Variants in NEXN observed in about 807,000 individuals in gnomAD.
NEXN encodes the protein nexilin.
A neutral mutation model predicts 92.6 loss-of-function variants in NEXN; 65 were observed. The ratio of observed to expected loss-of-function variants is 0.70; its 90% CI spans 0.57 to 0.86. The LOEUF (loss-of-function observed/expected upper bound fraction) is 0.86. NEXN is among the 40% of genes least tolerant of loss of function. NEXN has a pLI of 0.00. For synonymous variants in NEXN, 254 were observed against 242.5 expected (o/e 1.05, Z -0.44); for missense variants, 778 against 771.1 (o/e 1.01, Z -0.11).
chr1:77,937,182 T>C (rs988717554), intron 11 of NEXN, among the ~76,000 whole-genome samples: 2 of 152,098 alleles, frequency 1.3e-5, no homozygotes, highest in African/African-American at 4.8e-5. Context: ...TGCATGTCTG[T>C]AGTCCCAGTT....
chr1:77,936,655 T>C (rs1445563805), intron 11 of NEXN, among the ~76,000 whole-genome samples: 1 of 152,210 alleles, frequency 6.6e-6, no homozygotes, highest in Non-Finnish European at 1.5e-5. Context: ...AAAGAGGCAA[T>C]CACTGACCTG....
chr1:77,909,124 TAAG>T (rs1648365959), intron 1 of NEXN, among the ~76,000 whole-genome samples: 1 of 152,054 alleles, frequency 6.6e-6, no homozygotes, highest in South Asian at 2.1e-4. Flanking sequence ...GTTGGTTATA[TAAG>T]AAGAAATATC....
chr1:77,910,748 C>CAA (rs751080251), intron 1 of NEXN, among the ~76,000 whole-genome samples: 4,442 of 41,788 alleles, frequency 0.11, 289 homozygotes, highest in African/African-American at 0.26. Context: ...GAGACTGTCT[C>CAA]AAAAAAAAAA....
Position 77,899,218 on chromosome 1 carries a change from T to C in NEXN, c.-53+10459T>C, listed in dbSNP as rs564076993. On this transcript the variant is annotated intron_variant, in intron 1 of 12. Transcript: ENST00000334785. ...AAAGACACATGCACACGTATGTTTATTGCGACACTATTCACAATAGCAAAG... is the reference window on the plus strand; with the variant it reads ...AAAGACACATGCACACGTATGTTTACTGCGACACTATTCACAATAGCAAAG... Among the ~76,000 whole-genome samples, 3 of 152,260 alleles carry C rather than the reference T, an allele frequency of 2.0e-5. No individual in the cohort carries two copies. In the South Asian group the frequency reaches 6.2e-4, roughly 32 times the overall value.
chr1:77,899,023 G>A (rs1647466627), intron 1 of NEXN, among the ~76,000 whole-genome samples: 2 of 152,212 alleles, frequency 1.3e-5, no homozygotes, highest in African/African-American at 4.8e-5. Flanking sequence ...TGCTGGAGAG[G>A]AGGTGGAGAA....
chr1:77,907,634 C>T lies in NEXN; in HGVS notation c.-52-8421C>T, dbSNP rs1048710931. Among the ~76,000 whole-genome samples, 18 of 152,132 alleles carry T rather than the reference C, an allele frequency of 1.2e-4. No homozygotes were observed. The South Asian group carries it at 1.5e-3, about 12-fold the overall frequency. On this transcript the variant is annotated intron_variant, in intron 1 of 12. Transcript: ENST00000334785. ...AATACTAAAATGACATTTTAAAAAA[C>T]GATTTTAAGTGGTTTTATTCATAGT...
rs140215288 is a variant in NEXN, at chr1:77,918,295, G to A, written c.447+22G>A. 278 of 1,612,840 alleles carry A rather than the reference G, an allele frequency of 1.7e-4. No individual in the cohort carries two copies. The African/African-American group carries it at 2.9e-3, about 17-fold the overall frequency. ...ACAGGTATCACTGAAGATTAAGTTC[G>A]TATTTGTTTCTGAAACTAACTGTGC... On this transcript the variant is annotated intron_variant, in intron 5 of 12. Coordinates refer to ENST00000334785, the MANE Select transcript of NEXN (RefSeq NM_144573.4).
chr1:77,934,559 C>T (rs767624106), intron 10 of NEXN, among the ~76,000 whole-genome samples: 30 of 152,260 alleles, frequency 2.0e-4, no homozygotes, highest in Non-Finnish European at 4.0e-4. Flanking sequence ...AAGCTTTACG[C>T]TGTCTTTCCT....
At chr1:77,917,533 T>C (rs1649069719) in intron 2 of NEXN, 33 bp from the exon 3 acceptor site, 1 of 1,521,248 alleles carries the variant, frequency 6.6e-7, no homozygotes, top group East Asian at 2.3e-5. Context: ...TCTTTTTCGT[T>C]AACTTTCTTT....
chr1:77,900,983 T>C (rs1490840974), intron 1 of NEXN, among the ~76,000 whole-genome samples: 2 of 152,214 alleles, frequency 1.3e-5, no homozygotes, highest in Non-Finnish European at 2.9e-5. Context: ...ACAAAGTCTC[T>C]TGGCATTCAG....
chr1:77,889,631 A>T (rs1337671814), intron 1 of NEXN: 1 of 152,248 alleles, frequency 6.6e-6, no homozygotes, highest in Non-Finnish European at 1.5e-5. Flanking sequence ...AGAGATGCTC[A>T]TTTTATAGTT....
intron 1 of NEXN, among the ~76,000 whole-genome samples, chr1:77,899,671 TA>T (rs1647535558): frequency 1.3e-5 from 2 of 151,240 alleles, no homozygotes; most frequent in Admixed American, 1.3e-4. Flanking sequence ...AATAAAAAAA[TA>T]AAAAATAAAA....
At chr1:77,938,344 T>G (rs963758068) in intron 11 of NEXN, among the ~76,000 whole-genome samples, 2 of 152,126 alleles carry the variant, frequency 1.3e-5, no homozygotes, top group African/African-American at 2.4e-5. Context: ...GTGGATATAA[T>G]AAGCATTTAA....
chr1:77,943,247 A>AC lies in NEXN; in HGVS notation c.*419dup, dbSNP rs886046537. 3 of 224,552 alleles carry AC rather than the reference A, an allele frequency of 1.3e-5. No individual in the cohort carries two copies. The highest frequency in any genetic ancestry group is 1.1e-4 in the East Asian group (1 of 9,104). The allele number at this position is 224,552 out of a possible 1,614,324, so 13.9% of individuals were successfully genotyped here. On this transcript the variant is annotated 3_prime_UTR_variant, in exon 13 of 13. Transcript: ENST00000334785. The stretch of plus-strand genomic sequence containing the variant: ...TTTAAAAAACAAAAACAAAAAAAAA[A>AC]CACACAAACCTAAGTAGAATACATT...
intron 1 of NEXN, among the ~76,000 whole-genome samples, chr1:77,909,513 ATTT>A (rs1470656171): frequency 6.6e-6 from 1 of 152,182 alleles, no homozygotes; most frequent in East Asian, 1.9e-4. Flanking sequence ...GACTAGTGCT[ATTT>A]ATTATTTTTA....
In NEXN at chr1:77,942,639, T is replaced by C. The variant is rs1332052631; in HGVS notation, c.1838T>C (p.Ile613Thr). 1 of 1,613,628 alleles carries C rather than the reference T, an allele frequency of 6.2e-7. No individual in the cohort carries two copies. The highest frequency in any genetic ancestry group is 1.7e-5 in the Admixed American group (1 of 59,986). Residue 613 changes from isoleucine (I) to threonine (T), a missense_variant, in exon 13 of 13, where the codon ATT becomes ACT. Physicochemically the swap from Ile to Thr is moderately conservative, Grantham distance 89. Transcript: ENST00000334785. ...VKVTGEPKPE[I>T]TWWFEGEILQ... ...GTAACAGGAGAACCCAAACCAGAAA[T>C]TACATGGTGGTTTGAAGGAGAAATA...
chr1:77,916,500 T>TA (rs1322915035), intron 2 of NEXN, among the ~76,000 whole-genome samples: 3 of 152,158 alleles, frequency 2.0e-5, no homozygotes, highest in Non-Finnish European at 4.4e-5. Flanking sequence ...TAATTCCCTC[T>TA]TAGGTAAGGA....
intron 11 of NEXN, among the ~76,000 whole-genome samples, chr1:77,941,228 T>C (rs1172006114): frequency 2.0e-5 from 3 of 151,502 alleles, no homozygotes; most frequent in Non-Finnish European, 4.4e-5. Flanking sequence ...GCCTAGGTAG[T>C]TAGAAACCAA....
intron 1 of NEXN, among the ~76,000 whole-genome samples, chr1:77,898,666 C>G (rs1647429216): frequency 6.6e-6 from 1 of 152,168 alleles, no homozygotes. Context: ...CAAATGGAAT[C>G]TAATTAAACT....
Sources: gnomAD v4.1 joint callset for allele counts (sites outside exome capture counted in the v4.1 genomes callset) on GRCh38, gnomAD v4.1.1 for gene constraint, MANE v1.5 for transcripts, NCBI Gene and HGNC (gene_info 2026-07-23, HGNC 2026-07-21) for gene names.